The following GPC3 variants were observed in gnomAD, a reference collection of about 807,000 sequenced individuals.
GPC3 encodes the protein glypican-3.
GPC3 carries 3 observed loss-of-function variants against 34.4 expected under a neutral mutation model. The ratio of observed to expected loss-of-function variants is 0.09; its 90% CI spans 0.04 to 0.23. The LOEUF is 0.23. Ranked by LOEUF, GPC3 falls within the 10% of genes least tolerant of loss-of-function variation. The probability of loss-of-function intolerance (pLI) is 1.00; values close to 1 mark genes in which losing one functional copy is unlikely to be tolerated. For missense variants in GPC3, 351 were observed against 445.6 expected, an observed-to-expected ratio of 0.79 and a Z score of 1.91; for synonymous variants, 177 against 174.0, an observed-to-expected ratio of 1.02 and a Z score of -0.13.
At chrX:133,626,479 A>G (rs1764719443) in intron 6 of GPC3, among the ~76,000 whole-genome samples, 1 of 110,886 alleles carries the variant, frequency 9.0e-6, no homozygotes, top group Non-Finnish European at 1.9e-5. Flanking sequence ...AAAAAATCAA[A>G]CAACCCCATC....
intron 6 of GPC3, among the ~76,000 whole-genome samples, chrX:133,655,713 C>T (rs899603525): frequency 2.7e-5 from 3 of 111,497 alleles, no homozygotes; most frequent in Non-Finnish European, 5.6e-5. Context: ...GCAACCACTG[C>T]ACTAGGCCAG....
chrX:133,950,087 A>G (rs1038216657), intron 2 of GPC3, among the ~76,000 whole-genome samples: 12 of 112,354 alleles, frequency 1.1e-4, no homozygotes, highest in African/African-American at 3.9e-4. Flanking sequence ...AGAAAAAGAG[A>G]AAGGAAAGTC....
At chrX:133,856,275 C>A (rs2075900956) in intron 2 of GPC3, among the ~76,000 whole-genome samples, 1 of 111,411 alleles carries the variant, frequency 9.0e-6, no homozygotes, top group Non-Finnish European at 1.9e-5. Context: ...CCCTTGTCAA[C>A]ACTTGTTATC....
At chrX:133,805,911 G>C (rs1479046853) in intron 2 of GPC3, among the ~76,000 whole-genome samples, 1 of 111,859 alleles carries the variant, frequency 8.9e-6, no homozygotes. Flanking sequence ...ATAACAAATA[G>C]CCATTTTCAC....
chrX:133,951,047 A>AGTGTGT (rs373690687), intron 2 of GPC3, among the ~76,000 whole-genome samples: 7,099 of 76,570 alleles, frequency 0.093, 398 homozygotes, highest in East Asian at 0.13. Flanking sequence ...AATTCAAGAA[A>AGTGTGT]GTGTGTGTGT....
intron 2 of GPC3, among the ~76,000 whole-genome samples, chrX:133,925,792 C>T (rs758247838): frequency 1.3e-4 from 14 of 111,680 alleles, no homozygotes; most frequent in African/African-American, 3.9e-4. Flanking sequence ...CTACCCTGTG[C>T]ATCACACTGG....
At chrX:133,873,683 A>AGAATGG (rs1355471222) in intron 2 of GPC3, among the ~76,000 whole-genome samples, 1 of 111,625 alleles carries the variant, frequency 9.0e-6, no homozygotes, top group Admixed American at 9.6e-5. Flanking sequence ...TTGCCGAATA[A>AGAATGG]GAATGGATAT....
chrX:133,760,172 T>G (rs1048041840), intron 2 of GPC3, among the ~76,000 whole-genome samples: 1 of 112,347 alleles, frequency 8.9e-6, no homozygotes, highest in Admixed American at 9.4e-5. Context: ...GGCACTCTCA[T>G]GCATTGCTGG....
chrX:133,600,288 GA>G (rs1458534896), intron 6 of GPC3, among the ~76,000 whole-genome samples: 2 of 111,568 alleles, frequency 1.8e-5, no homozygotes, highest in Non-Finnish European at 3.8e-5. Flanking sequence ...ATTAATTATA[GA>G]AGAAGAATTT....
Position 133,596,596 on chromosome X carries a change from G to A in GPC3, c.1417C>T (p.Leu473=). Residue 473 remains leucine (L), a synonymous_variant, in exon 7 of 8, where the codon CTG becomes TTG. Transcript: ENST00000370818. ...IDKLKHINQL[L]RTMSMPKGRV... The stretch of plus-strand genomic sequence containing the variant: ...CCTTTGGGCATAGACATGGTTCTCA[G>A]GAGCTGAAAGAAAACAACCAGGAAT... The A allele has an allele frequency of 8.3e-7, 1 of 1,210,104 alleles. No homozygotes were observed. Among genetic ancestry groups the A allele is most frequent in the Non-Finnish European group, 1.1e-6 (1 of 894,242 alleles).
At chrX:133,643,385 G>A (rs976540189) in intron 6 of GPC3, among the ~76,000 whole-genome samples, 1 of 111,879 alleles carries the variant, frequency 8.9e-6, no homozygotes, top group African/African-American at 3.2e-5. Flanking sequence ...GGGGACCAAG[G>A]AGGAAGAGCT....
At position 133,651,157 on chromosome X, in the gene GPC3, C is replaced by A. The variant is rs2070597305; in HGVS notation, c.1413+10573G>T. On this transcript the variant is annotated intron_variant, in intron 6 of 7. Coordinates refer to ENST00000370818, the MANE Select transcript of GPC3 (RefSeq NM_004484.4). ...AAAACAGTCCTTTTTAACCTTTAAA[C>A]AGGGTGGAGAGTATTTTTCTTTTTT... Among the ~76,000 whole-genome samples the A allele has an allele frequency of 2.7e-5, 3 of 111,092 alleles. No homozygotes were observed. In the Admixed American group the frequency reaches 2.9e-4, roughly 11 times the overall value.
intron 6 of GPC3, among the ~76,000 whole-genome samples, chrX:133,625,877 A>G (rs1262932719): frequency 3.6e-5 from 4 of 112,422 alleles, no homozygotes; most frequent in African/African-American, 1.3e-4. Context: ...AGCCAAAAGA[A>G]CAAAGCTGGA....
chrX:133,644,355 A>T (rs1003870316), intron 6 of GPC3, among the ~76,000 whole-genome samples: 1 of 111,567 alleles, frequency 9.0e-6, no homozygotes, highest in Non-Finnish European at 1.9e-5. Context: ...TTCAAGTCCA[A>T]GTTTAACCTT....
chrX:133,712,655 G>A (rs1184233176), intron 3 of GPC3, among the ~76,000 whole-genome samples: 2 of 109,785 alleles, frequency 1.8e-5, no homozygotes. Flanking sequence ...TGAGGCGGGC[G>A]GATCACTTGA....
chrX:133,704,400 T>G (rs749375810), intron 3 of GPC3: 3 of 329,241 alleles, frequency 9.1e-6, no homozygotes, highest in African/African-American at 2.7e-5. Context: ...AAAAGAGAAA[T>G]CCATACAAAT....
chrX:133,952,550 G>A (rs1274882116), intron 2 of GPC3, among the ~76,000 whole-genome samples: 2 of 111,996 alleles, frequency 1.8e-5, no homozygotes, highest in African/African-American at 6.5e-5. Context: ...ATCATTCACA[G>A]GCATGGTAAG....
chrX:133,864,441 C>T (rs1284609225), intron 2 of GPC3, among the ~76,000 whole-genome samples: 1 of 111,520 alleles, frequency 9.0e-6, no homozygotes, highest in Non-Finnish European at 1.9e-5. Flanking sequence ...GGAATTTATA[C>T]CAAATTGGTT....
intron 2 of GPC3, among the ~76,000 whole-genome samples, chrX:133,855,087 T>C (rs1373793143): frequency 9.0e-6 from 1 of 111,656 alleles, no homozygotes; most frequent in Non-Finnish European, 1.9e-5. Context: ...CTTGATGGAG[T>C]AGCTACAGGT....
Sources: gnomAD v4.1 joint callset for allele counts (sites outside exome capture counted in the v4.1 genomes callset) on GRCh38, gnomAD v4.1.1 for gene constraint, MANE v1.5 for transcripts, NCBI Gene and HGNC (gene_info 2026-07-23, HGNC 2026-07-21) for gene names.